Variants in MRPS28 observed in about 807,000 individuals in gnomAD.
MRPS28 encodes mitochondrial ribosomal protein S28, also known as small ribosomal subunit protein bS1m.
In MRPS28, 7 loss-of-function variants were observed where a neutral mutation model predicts 10.8. The observed-to-expected ratio is 0.65, with a 90% CI of 0.37 to 1.22. The LOEUF (loss-of-function observed/expected upper bound fraction) is 1.22, where lower values mean the gene tolerates loss of function less well. MRPS28 is among the 50% of genes most tolerant of loss of function. The pLI, the probability that MRPS28 is intolerant of heterozygous loss-of-function variation, is 0.02. For missense variants in MRPS28, 265 were observed against 232.9 expected (o/e 1.14, Z -0.90); for synonymous variants, 121 against 93.3 (o/e 1.30, Z -1.71).
chr8:79,952,015 A>G (rs537928412), intron 2 of MRPS28, among the ~76,000 whole-genome samples: 1 of 152,234 alleles, frequency 6.6e-6, no homozygotes, highest in African/African-American at 2.4e-5. Flanking sequence ...AACTGAAAGC[A>G]TCTTCATTAC....
intron 2 of MRPS28, among the ~76,000 whole-genome samples, chr8:79,982,052 G>T (rs956597149): frequency 6.6e-6 from 1 of 152,104 alleles, no homozygotes. Context: ...TTCAAGACCC[G>T]CCTGGCCAAC....
At chr8:79,981,062 C>T (rs922157733) in intron 2 of MRPS28, among the ~76,000 whole-genome samples, 1 of 152,186 alleles carries the variant, frequency 6.6e-6, no homozygotes, top group Non-Finnish European at 1.5e-5. Context: ...GGCGCAGTGG[C>T]TCACACCTGT....
chr8:80,002,958 T>A (rs1808703150), intron 2 of MRPS28, 41 bp downstream of exon 2: 1 of 1,445,032 alleles, frequency 6.9e-7, no homozygotes, highest in Non-Finnish European at 9.2e-7. Flanking sequence ...ATCCCAACTT[T>A]TATGAATACT....
chr8:80,030,167 C>T lies in MRPS28; in HGVS notation c.82G>A (p.Gly28Ser), dbSNP rs567183337. ...TCGGATCCACTCTCAGTGCCTACACCCCGAAAGGGCCTGAAGAAGAGAAAC... is the reference window on the plus strand; with the variant it reads ...TCGGATCCACTCTCAGTGCCTACACTCCGAAAGGGCCTGAAGAAGAGAAAC... ...RVFLFFRPFR[G>S]VGTESGSESG... Residue 28 changes from glycine to serine, a missense_variant, in exon 1 of 3, where the codon GGT becomes AGT. Coordinates refer to ENST00000276585, the MANE Select transcript of MRPS28 (RefSeq NM_014018.3). 4 of 1,613,574 alleles carry T rather than the reference C, an allele frequency of 2.5e-6. No individual in the cohort carries two copies. Among genetic ancestry groups the T allele is most frequent in the South Asian group, 1.1e-5 (1 of 91,088 alleles).
At chr8:79,970,805 A>T (rs905076124) in intron 2 of MRPS28, among the ~76,000 whole-genome samples, 1 of 151,968 alleles carries the variant, frequency 6.6e-6, no homozygotes, top group Non-Finnish European at 1.5e-5. Flanking sequence ...ATACATTGCT[A>T]TAAATAAAGT....
At chr8:79,975,846 A>G (rs1807782199) in intron 2 of MRPS28, among the ~76,000 whole-genome samples, 1 of 152,320 alleles carries the variant, frequency 6.6e-6, no homozygotes, top group South Asian at 2.1e-4. Context: ...AAATAATCAG[A>G]TAGTTATACC....
chr8:80,012,347 T>A (rs1218484367), intron 1 of MRPS28, among the ~76,000 whole-genome samples: 2 of 152,222 alleles, frequency 1.3e-5, no homozygotes, highest in Admixed American at 1.3e-4. Flanking sequence ...TAGAACCATC[T>A]CTGAATCCTA....
At chr8:79,973,816 GA>G (rs1807705103) in intron 2 of MRPS28, among the ~76,000 whole-genome samples, 1 of 130,834 alleles carries the variant, frequency 7.6e-6, no homozygotes, top group African/African-American at 2.9e-5. Context: ...AGTTCTCACA[GA>G]AAAGGGCCAG....
chr8:80,005,264 G>C (rs1336074299), intron 1 of MRPS28, among the ~76,000 whole-genome samples: 5 of 152,250 alleles, frequency 3.3e-5, no homozygotes, highest in East Asian at 1.9e-4. Flanking sequence ...CAAAGGGAAG[G>C]CCATCAGACT....
intron 2 of MRPS28, among the ~76,000 whole-genome samples, chr8:79,985,535 T>C (rs1300311655): frequency 2.0e-5 from 3 of 152,032 alleles, no homozygotes; most frequent in Non-Finnish European, 4.4e-5. Context: ...CTAGCAAGGC[T>C]AATAAAGAAG....
chr8:79,946,289 A>G (rs1806917411), intron 2 of MRPS28, among the ~76,000 whole-genome samples: 1 of 152,116 alleles, frequency 6.6e-6, no homozygotes, highest in Non-Finnish European at 1.5e-5. Context: ...AAAATCATCC[A>G]TCTGATAATC....
At chr8:80,006,095 G>T (rs1808834575) in intron 1 of MRPS28, among the ~76,000 whole-genome samples, 1 of 152,116 alleles carries the variant, frequency 6.6e-6, no homozygotes, top group Non-Finnish European at 1.5e-5. Flanking sequence ...AAGTTAACAA[G>T]GATATCCAGG....
intron 2 of MRPS28, chr8:79,958,424 G>A (rs1416975091): frequency 2.9e-6 from 2 of 687,300 alleles, no homozygotes; most frequent in Non-Finnish European, 5.3e-6. Flanking sequence ...AGCATACCAC[G>A]AAATGGGACT....
chr8:79,973,186 T>C (rs1807681699), intron 2 of MRPS28, among the ~76,000 whole-genome samples: 1 of 152,196 alleles, frequency 6.6e-6, no homozygotes, highest in African/African-American at 2.4e-5. Context: ...AACTGTACAT[T>C]CTGGATGTCA....
chr8:79,960,260 A>G (rs373194152), intron 2 of MRPS28, among the ~76,000 whole-genome samples: 22 of 152,256 alleles, frequency 1.4e-4, no homozygotes, highest in African/African-American at 4.6e-4. Context: ...GGTAGGCACA[A>G]GCATAGAATG....
chr8:79,931,524 T>C (rs1806460145), intron 2 of MRPS28, among the ~76,000 whole-genome samples: 1 of 152,232 alleles, frequency 6.6e-6, no homozygotes, highest in African/African-American at 2.4e-5. Flanking sequence ...GATCATTATG[T>C]AACCCTAGGC....
chr8:79,992,801 T>C (rs1808402575), intron 2 of MRPS28, among the ~76,000 whole-genome samples: 1 of 152,216 alleles, frequency 6.6e-6, no homozygotes, highest in Non-Finnish European at 1.5e-5. Flanking sequence ...CTGCTGTCCC[T>C]GGGTAAGTTA....
At chr8:80,025,521 A>G (rs1247473399) in intron 1 of MRPS28, among the ~76,000 whole-genome samples, 1 of 152,316 alleles carries the variant, frequency 6.6e-6, no homozygotes, top group South Asian at 2.1e-4. Flanking sequence ...GAAACAACCT[A>G]AAAGTTCAAT....
At chr8:79,955,106 G>A (rs1460873576) in intron 2 of MRPS28, among the ~76,000 whole-genome samples, 1 of 152,142 alleles carries the variant, frequency 6.6e-6, no homozygotes, top group Non-Finnish European at 1.5e-5. Flanking sequence ...AGTCGATAAG[G>A]TACTGCTTTA....
Sources: allele counts gnomAD v4.1 joint callset (sites outside exome capture counted in the v4.1 genomes callset), GRCh38; gene constraint gnomAD v4.1.1; transcripts MANE v1.5; gene names NCBI Gene and HGNC (gene_info 2026-07-23, HGNC 2026-07-21).